OSBPL5: variants seen among roughly 807,000 people sequenced by gnomAD.
OSBPL5 encodes oxysterol binding protein like 5.
In OSBPL5, 71 loss-of-function variants were observed where a neutral mutation model predicts 111.2. The ratio of observed to expected loss-of-function variants is 0.64; its 90% CI spans 0.53 to 0.78. The LOEUF is 0.78. Ranked by LOEUF, OSBPL5 falls within the 30% of genes least tolerant of loss-of-function variation. OSBPL5 has a pLI of 0.00. For synonymous variants in OSBPL5, 549 were observed against 513.9 expected, an observed-to-expected ratio of 1.07 and a Z score of -0.93; for missense variants, 1,210 against 1,189.3, an observed-to-expected ratio of 1.02 and a Z score of -0.26.
intron 1 of OSBPL5, among the ~76,000 whole-genome samples, chr11:3,157,455 C>T (rs1208967714): frequency 6.6e-6 from 1 of 152,160 alleles, no homozygotes; most frequent in Admixed American, 6.5e-5. Context: ...TCTGGTGTCC[C>T]ACTGGTACTG....
chr11:3,157,191 C>T lies in OSBPL5; in HGVS notation c.-22+8025G>A, dbSNP rs376939987. 1.1e-4 allele frequency among the ~76,000 whole-genome samples: 16 copies of T among 152,284 alleles called. No individual in the cohort carries two copies. In the East Asian group the frequency reaches 1.2e-3, roughly 11 times the overall value. ...CACATGGGAGCAGACTCACGGCCCA[C>T]GAGGGAGGAAAGCAAGCGGTGCTTC... On this transcript the variant is annotated intron_variant, in intron 1 of 21. Coordinates refer to ENST00000263650, the MANE Select transcript of OSBPL5 (RefSeq NM_020896.4).
At chr11:3,139,440 C>T (rs868069132) in intron 1 of OSBPL5, among the ~76,000 whole-genome samples, 1 of 152,216 alleles carries the variant, frequency 6.6e-6, no homozygotes, top group Non-Finnish European at 1.5e-5. Context: ...CAGGCTGGGG[C>T]AGAGGTGGAG....
rs115874192 is a variant in OSBPL5 at position 3,140,161 on chromosome 11, C to T, written c.-21-10992G>A. 6.4e-3 allele frequency among the ~76,000 whole-genome samples: 968 copies of T among 152,332 alleles called. 13 individuals are homozygous for T. Among genetic ancestry groups the T allele is most frequent in the African/African-American group, 0.022 (908 of 41,570 alleles). On this transcript the variant is annotated intron_variant, in intron 1 of 21. Transcript: ENST00000263650. The surrounding 1 kb of genome is among the most constrained non-coding windows in gnomAD (Gnocchi z 4.5). ...GTCCCCCAAATTGCAGCCACCATCT[C>T]GGGCTGTATTAACAGAGGTTGAGTC...
chr11:3,126,655 G>C lies in OSBPL5; in HGVS notation c.137-100C>G. The stretch of plus-strand genomic sequence containing the variant: ...AGGCAGGCGAAGCGTGGGTGCGGAT[G>C]ACCTGGGAGGGGCAGGAAGTCAGCC... On this transcript the variant is annotated intron_variant, in intron 2 of 21. Transcript: ENST00000263650. This position sits in a 1 kb window ranked among gnomAD's most constrained non-coding sequence, Gnocchi z 6.5. 9.9e-7 allele frequency: 1 copy of C among 1,007,268 alleles called. No individual in the cohort carries two copies. The highest frequency in any genetic ancestry group is 1.4e-6 in the Non-Finnish European group (1 of 698,720). The allele number at this position is 1,007,268 out of a possible 1,614,324, so 62.4% of individuals were successfully genotyped here.
In OSBPL5 at chr11:3,106,593, G is replaced by A. The variant is rs1857703252; in HGVS notation, c.1059+670C>T. On this transcript the variant is annotated intron_variant, in intron 9 of 21. Transcript: ENST00000263650. The surrounding 1 kb of genome is among the most constrained non-coding windows in gnomAD (Gnocchi z 8.4). ...GGCTGTTCATCTGCAGGCATGCTCTGGGGACACTGCTGCCCACCGCCTGCT... is the reference window on the plus strand; with the variant it reads ...GGCTGTTCATCTGCAGGCATGCTCTAGGGACACTGCTGCCCACCGCCTGCT... Among the ~76,000 whole-genome samples, 1 of 152,148 alleles carries A rather than the reference G, an allele frequency of 6.6e-6. No homozygotes were observed. The highest frequency in any genetic ancestry group is 1.5e-5 in the Non-Finnish European group (1 of 68,024).
In OSBPL5 at chr11:3,129,025, G is replaced by A; in HGVS notation, c.124C>T (p.Pro42Ser). 2 of 1,586,136 alleles carry A rather than the reference G, an allele frequency of 1.3e-6. No individual in the cohort carries two copies. The highest frequency in any genetic ancestry group is 8.6e-7 in the Non-Finnish European group (1 of 1,167,214). ...LLLSGDNELY[P>S]LSPGKDMEPN... is the part of the protein sequence containing the mutation. ...GGCCGGCACTTACCTGGGCTGAGTG[G>A]GTAGAGCTCATTGTCTCCGCTGAGG... Residue 42 changes from proline (P) to serine (S), a missense_variant, in exon 2 of 22, where the codon CCA becomes TCA. Pro to Ser is a moderately conservative substitution (Grantham distance 74). Transcript: ENST00000263650.
intron 7 of OSBPL5, among the ~76,000 whole-genome samples, chr11:3,115,606 T>C (rs966524757): frequency 2.6e-5 from 4 of 152,356 alleles, no homozygotes; most frequent in Admixed American, 2.6e-4. Context: ...GTAAGTTCAG[T>C]TCCTCTATAA....
In OSBPL5 at chr11:3,154,619, G is replaced by C. The variant is rs1476698368; in HGVS notation, c.-22+10597C>G. Among the ~76,000 whole-genome samples, 2 of 152,166 alleles carry C rather than the reference G, an allele frequency of 1.3e-5. No individual in the cohort carries two copies. The highest frequency in any genetic ancestry group is 2.9e-5 in the Non-Finnish European group (2 of 68,020). On this transcript the variant is annotated intron_variant, in intron 1 of 21. Transcript: ENST00000263650. The surrounding 1 kb of genome is among the most constrained non-coding windows in gnomAD (Gnocchi z 4.9). ...CCGGGCAAATGCTGGGCCCTCACAG[G>C]GGATAAAAACAGAACCCACTGACGA...
intron 17 of OSBPL5, 103 bp downstream of exon 17, chr11:3,093,424 G>C: frequency 6.7e-7 from 1 of 1,503,450 alleles, no homozygotes; most frequent in Non-Finnish European, 8.9e-7. Context: ...CCCTGCCAGG[G>C]ACATCCTGGG....
At chr11:3,137,624 G>A (rs1203434472) in intron 1 of OSBPL5, among the ~76,000 whole-genome samples, 1 of 152,192 alleles carries the variant, frequency 6.6e-6, no homozygotes, top group African/African-American at 2.4e-5. Context: ...ATCAGCCTGG[G>A]CAACATAGCG....
chr11:3,151,971 C>T (rs1291010972), intron 1 of OSBPL5, among the ~76,000 whole-genome samples: 1 of 152,252 alleles, frequency 6.6e-6, no homozygotes, highest in African/African-American at 2.4e-5. Flanking sequence ...CGGAAGTGTG[C>T]ACGTCACCGA....
Position 3,114,591 on chromosome 11 carries a change from A to ACTTTTTTTTTTTTTTTTTTTTTT in OSBPL5, c.691+4955_691+4956insAAAAAAAAAAAAAAAAAAAAAAG, listed in dbSNP as rs774192603. ...GACTAAAGAATTGGTTAGAACAATG[A>ACTTTTTTTTTTTTTTTTTTTTTT]TTTTTTTTTTTTTTTTTTTTTTTTT... On this transcript the variant is annotated intron_variant, in intron 7 of 21. Transcript: ENST00000263650. Among the ~76,000 whole-genome samples the ACTTTTTTTTTTTTTTTTTTTTTT allele has an allele frequency of 4.8e-4, 55 of 113,900 alleles. 22 individuals are homozygous for ACTTTTTTTTTTTTTTTTTTTTTT. The highest frequency in any genetic ancestry group is 6.7e-4 in the African/African-American group (19 of 28,388). The allele number at this position is 113,900 out of a possible 152,430, so 74.7% of individuals were successfully genotyped here. A position where few individuals can be genotyped will look rare whatever the true frequency, so the allele number is the denominator to read the frequency against.
intron 7 of OSBPL5, 139 bp from the exon 8 acceptor site, chr11:3,108,084 G>T: frequency 8.8e-7 from 1 of 1,132,284 alleles, no homozygotes; most frequent in Non-Finnish European, 1.2e-6. Flanking sequence ...CCCTGGCCCT[G>T]CCCCAGCAGG....
Position 3,119,634 on chromosome 11 carries a change from GGAGA to G in OSBPL5, c.607-7_607-4del. 1 of 1,579,066 alleles carries G rather than the reference GGAGA, an allele frequency of 6.3e-7. No individual in the cohort carries two copies. The highest frequency in any genetic ancestry group is 8.6e-7 in the Non-Finnish European group (1 of 1,166,092). ...CCCACGCTCTCACCTTTGGGGCCCTGGAGAGAGAGAGATCTGGGTGTCACCCGAG... is the reference window on the plus strand; with the variant it reads ...CCCACGCTCTCACCTTTGGGGCCCTGGAGAGAGATCTGGGTGTCACCCGAG... On this transcript the variant is annotated splice_polypyrimidine_tract_variant and splice_region_variant and intron_variant, in intron 6 of 21. Coordinates refer to ENST00000263650, the MANE Select transcript of OSBPL5 (RefSeq NM_020896.4).
chr11:3,090,474 T>G, intron 20 of OSBPL5, 84 bp downstream of exon 20: 1 of 1,536,560 alleles, frequency 6.5e-7, no homozygotes, highest in Non-Finnish European at 8.8e-7. Flanking sequence ...GGGCAGGTGC[T>G]TCTCTGGCCT....
rs1846977367 is a variant in OSBPL5, at chr11:3,161,917, G to T, written c.-22+3299C>A. On this transcript the variant is annotated intron_variant, in intron 1 of 21. Transcript: ENST00000263650. This position sits in a 1 kb window ranked among gnomAD's most constrained non-coding sequence, Gnocchi z 8.0. The stretch of plus-strand genomic sequence containing the variant: ...AAAGCAGAGGCACAGGCAGTGCAAA[G>T]GCCCTGGAGTAAGAAGCCGGGGCTG... 6.6e-6 allele frequency among the ~76,000 whole-genome samples: 1 copy of T among 152,040 alleles called. No individual in the cohort carries two copies.
chr11:3,096,197 A>C (rs1017232933), intron 14 of OSBPL5, among the ~76,000 whole-genome samples: 1 of 152,260 alleles, frequency 6.6e-6, no homozygotes, highest in African/African-American at 2.4e-5. Flanking sequence ...GCCAACTGTC[A>C]CGTGTGTGGG....
Position 3,110,936 on chromosome 11 carries a change from C to A in OSBPL5, c.692-2991G>T, listed in dbSNP as rs1857904407. 6.6e-6 allele frequency among the ~76,000 whole-genome samples: 1 copy of A among 152,172 alleles called. No homozygotes were observed. Among genetic ancestry groups the A allele is most frequent in the African/African-American group, 2.4e-5 (1 of 41,428 alleles). On this transcript the variant is annotated intron_variant, in intron 7 of 21. Transcript: ENST00000263650. The surrounding 1 kb of genome is among the most constrained non-coding windows in gnomAD (Gnocchi z 5.3). ...AGGCTGTGTCACAGGTAGGCGTCTTCAACCTTGGCAAAATAAACTTTCTAA... is the reference window on the plus strand; with the variant it reads ...AGGCTGTGTCACAGGTAGGCGTCTTAAACCTTGGCAAAATAAACTTTCTAA...
intron 1 of OSBPL5, among the ~76,000 whole-genome samples, chr11:3,136,781 C>T (rs565448987): frequency 3.9e-4 from 59 of 152,320 alleles, no homozygotes; most frequent in Admixed American, 8.5e-4. Context: ...AGGGCTGGGC[C>T]GCGCTGCATG....
Sources: allele counts gnomAD v4.1 joint callset (sites outside exome capture counted in the v4.1 genomes callset), GRCh38; gene constraint gnomAD v4.1.1; non-coding constraint Gnocchi (gnomAD v3.1); transcripts MANE v1.5; gene names NCBI Gene and HGNC (gene_info 2026-07-23, HGNC 2026-07-21).